Variants in CCDC158 observed in about 807,000 individuals in gnomAD.
CCDC158 encodes the protein coiled-coil domain containing 158.
In CCDC158, 116 loss-of-function variants were observed where a neutral mutation model predicts 138.6. The observed-to-expected ratio is 0.84, with a 90% CI of 0.72 to 0.98. The LOEUF (loss-of-function observed/expected upper bound fraction) is 0.98, where lower values mean the gene tolerates loss of function less well. Ranked by LOEUF, CCDC158 falls within the 50% of genes least tolerant of loss-of-function variation. The pLI is 0.00. For missense variants in CCDC158, 1,265 were observed against 1,306.1 expected, an observed-to-expected ratio of 0.97 and a Z score of 0.48; for synonymous variants, 436 against 442.4, an observed-to-expected ratio of 0.99 and a Z score of 0.18.
At chr4:76,346,152 A>C (rs1191897987) in intron 18 of CCDC158, among the ~76,000 whole-genome samples, 3 of 152,238 alleles carry the variant, frequency 2.0e-5, no homozygotes, top group African/African-American at 7.2e-5. Flanking sequence ...GGATTCCCTA[A>C]TTTAATAAAT....
chr4:76,405,418 A>C (rs1728738761), intron 2 of CCDC158, among the ~76,000 whole-genome samples: 1 of 152,222 alleles, frequency 6.6e-6, no homozygotes, highest in African/African-American at 2.4e-5. Context: ...GACCACTGTA[A>C]AATGTGGCAG....
At chr4:76,408,600 G>T (rs1395281228) in intron 2 of CCDC158, among the ~76,000 whole-genome samples, 1 of 152,106 alleles carries the variant, frequency 6.6e-6, no homozygotes, top group Non-Finnish European at 1.5e-5. Flanking sequence ...TGGACATTTG[G>T]GTTGGTTCCA....
In CCDC158 at chr4:76,371,428, G is replaced by C. The variant is rs374047426; in HGVS notation, c.1138C>G (p.Gln380Glu). The change falls in exon 10 of 25, where the codon CAA becomes GAA. Residue 380 changes from glutamine to glutamate, a missense_variant. Coordinates refer to ENST00000682701, the MANE Select transcript of CCDC158 (RefSeq NM_001394954.1). ...QESGNLDDQL[Q>E]KLLADLHKRE... ...AAGCATAATCTTACCAACAGCTTTT[G>C]AAGTTGATCATCTAAATTTCCAGAT... is the stretch of plus-strand genomic sequence containing the variant. 3.7e-6 allele frequency: 6 copies of C among 1,613,858 alleles called. No individual in the cohort carries two copies. In the African/African-American group the frequency reaches 8.0e-5, roughly 22 times the overall value.
intron 2 of CCDC158, among the ~76,000 whole-genome samples, chr4:76,405,096 A>C (rs922167558): frequency 6.6e-6 from 1 of 152,244 alleles, no homozygotes; most frequent in African/African-American, 2.4e-5. Context: ...TACACTAGTA[A>C]TACAATATTA....
chr4:76,341,347 C>T (rs1330088248), intron 18 of CCDC158, among the ~76,000 whole-genome samples: 1 of 152,132 alleles, frequency 6.6e-6, no homozygotes, highest in Non-Finnish European at 1.5e-5. Context: ...TTGAATTCAA[C>T]CATTCTATTT....
rs1362119686 is a variant in CCDC158 at position 76,332,503 on chromosome 4, A to C, written c.2823-12T>G. 1.9e-6 allele frequency: 3 copies of C among 1,586,674 alleles called. No individual in the cohort carries two copies. The highest frequency in any genetic ancestry group is 2.6e-6 in the Non-Finnish European group (3 of 1,163,066). The stretch of plus-strand genomic sequence containing the variant: ...TTACCCTATCCTCTCTGTATAGAAA[A>C]TATAACTCTCAGTTAATCATATAAA... On this transcript the variant is annotated splice_polypyrimidine_tract_variant and intron_variant, in intron 19 of 24. Transcript: ENST00000682701.
chr4:76,404,448 A>T (rs1337160039), intron 2 of CCDC158, among the ~76,000 whole-genome samples: 2 of 152,220 alleles, frequency 1.3e-5, no homozygotes, highest in Non-Finnish European at 2.9e-5. Context: ...AGGCTCAAAC[A>T]AGAATTTAGG....
intron 9 of CCDC158, among the ~76,000 whole-genome samples, chr4:76,377,511 T>C (rs1248473507): frequency 6.6e-6 from 1 of 152,168 alleles, no homozygotes; most frequent in Non-Finnish European, 1.5e-5. Flanking sequence ...CACCTCATGG[T>C]GCACTAAAAT....
At chr4:76,352,092 T>C (rs1021015488) in intron 16 of CCDC158, 2 of 231,488 alleles carry the variant, frequency 8.6e-6, no homozygotes, top group Non-Finnish European at 1.7e-5. Context: ...TTTACCAAAG[T>C]ATAAAAATTT....
chr4:76,398,530 T>G lies in CCDC158; in HGVS notation c.71-2044A>C, dbSNP rs137873639. Among the ~76,000 whole-genome samples, 77 of 151,872 alleles carry G rather than the reference T, an allele frequency of 5.1e-4. 1 individual carries two copies. Among genetic ancestry groups the G allele is most frequent in the African/African-American group, 1.8e-3 (73 of 41,414 alleles). On this transcript the variant is annotated intron_variant, in intron 3 of 24. Transcript: ENST00000682701. ...GAAAATACAAAAAATTAGCCAGGTG[T>G]GGTGGTGTGTGCCTGTAATCCAGCT...
In CCDC158 at chr4:76,382,622, A is replaced by T. The variant is rs745571317; in HGVS notation, c.902T>A (p.Met301Lys). 6.2e-7 allele frequency: 1 copy of T among 1,606,370 alleles called. No individual in the cohort carries two copies. Among genetic ancestry groups the T allele is most frequent in the Non-Finnish European group, 8.5e-7 (1 of 1,173,446 alleles). ...TCAAACCACATACTGAATGATTTCC[A>T]TTTGACTCTGGATACTATTGGCTTG... ...RSQANSIQSQ[M>K]EIIQEQARNQ... The change falls in exon 8 of 25, where the codon ATG becomes AAG. Residue 301 changes from methionine to lysine, a missense_variant. Coordinates refer to ENST00000682701, the MANE Select transcript of CCDC158 (RefSeq NM_001394954.1).
At chr4:76,414,179 G>C (rs1366375341) in intron 1 of CCDC158, 1 of 152,126 alleles carries the variant, frequency 6.6e-6, no homozygotes, top group Non-Finnish European at 1.5e-5. Flanking sequence ...AAAGTGCTAG[G>C]ACAGGGATAA....
chr4:76,413,498 G>GA (rs1188034184), intron 1 of CCDC158, among the ~76,000 whole-genome samples: 1 of 148,752 alleles, frequency 6.7e-6, no homozygotes, highest in Admixed American at 6.7e-5. Flanking sequence ...AAAAGGAAAA[G>GA]AAAAAAATGA....
chr4:76,347,006 A>G (rs550420246), intron 18 of CCDC158, among the ~76,000 whole-genome samples: 2 of 152,300 alleles, frequency 1.3e-5, no homozygotes, highest in Non-Finnish European at 2.9e-5. Flanking sequence ...TAGAATGGCG[A>G]TCTTAAAAAG....
intron 13 of CCDC158, among the ~76,000 whole-genome samples, chr4:76,360,993 G>A (rs1453353577): frequency 6.6e-6 from 1 of 152,166 alleles, no homozygotes; most frequent in Non-Finnish European, 1.5e-5. Context: ...TGTTGGAGGA[G>A]GGGCCTTGTG....
At chr4:76,330,630 G>A (rs780249025) in intron 21 of CCDC158, among the ~76,000 whole-genome samples, 2 of 152,134 alleles carry the variant, frequency 1.3e-5, no homozygotes, top group Non-Finnish European at 2.9e-5. Context: ...TACTGAACAT[G>A]TACAGGCCTT....
intron 1 of CCDC158, among the ~76,000 whole-genome samples, chr4:76,419,370 G>A (rs896011584): frequency 6.6e-6 from 1 of 152,094 alleles, no homozygotes; most frequent in East Asian, 1.9e-4. Context: ...TTATGAGCAC[G>A]CTCATATGTA....
intron 4 of CCDC158, among the ~76,000 whole-genome samples, chr4:76,389,113 G>T (rs546683347): frequency 4.6e-5 from 7 of 152,118 alleles, no homozygotes; most frequent in Non-Finnish European, 8.8e-5. Context: ...AATGAACTAA[G>T]TAAGGTACCA....
chr4:76,406,856 C>A (rs1728869865), intron 2 of CCDC158, among the ~76,000 whole-genome samples: 1 of 151,972 alleles, frequency 6.6e-6, no homozygotes, highest in South Asian at 2.1e-4. Flanking sequence ...CAGCCCTGGA[C>A]ACCTACATCA....
Sources: gnomAD v4.1 joint callset for allele counts (sites outside exome capture counted in the v4.1 genomes callset) on GRCh38, gnomAD v4.1.1 for gene constraint, MANE v1.5 for transcripts, NCBI Gene and HGNC (gene_info 2026-07-23, HGNC 2026-07-21) for gene names.